Variants in KCNJ6 observed in about 807,000 individuals in gnomAD.
KCNJ6 encodes G protein-activated inward rectifier potassium channel 2.
In KCNJ6, 9 loss-of-function variants were observed where a neutral mutation model predicts 34.2. The ratio of observed to expected loss-of-function variants is 0.26; its 90% CI spans 0.16 to 0.46. The LOEUF (loss-of-function observed/expected upper bound fraction) is 0.46, where lower values mean the gene tolerates loss of function less well. KCNJ6 is among the 20% of genes least tolerant of loss of function. The probability of loss-of-function intolerance (pLI) is 1.00; values close to 1 mark genes in which losing one functional copy is unlikely to be tolerated. For synonymous variants in KCNJ6, 196 were observed against 207.1 expected (o/e 0.95, Z 0.46); for missense variants, 236 against 531.3 (o/e 0.44, Z 5.46).
rs139497882 is a variant in KCNJ6, at chr21:37,764,011, A to G, written c.26-48880T>C. 2.5e-3 allele frequency among the ~76,000 whole-genome samples: 375 copies of G among 151,984 alleles called. 2 individuals carry two copies. The East Asian group carries it at 0.036, about 15-fold the overall frequency. On this transcript the variant is annotated intron_variant, in intron 2 of 3. Transcript: ENST00000609713. The stretch of plus-strand genomic sequence containing the variant: ...TCATCTCACATATCTACATACTCAA[A>G]GGCCATGTTTGTCTAGGAGTAGAAC...
intron 1 of KCNJ6, among the ~76,000 whole-genome samples, chr21:37,870,347 C>T (rs983251095): frequency 5.3e-5 from 8 of 151,956 alleles, no homozygotes; most frequent in Admixed American, 2.0e-4. Context: ...AAACAGAGAT[C>T]GCAGGAGTGG....
chr21:37,904,721 G>A (rs1156544157), intron 1 of KCNJ6, among the ~76,000 whole-genome samples: 2 of 152,162 alleles, frequency 1.3e-5, no homozygotes, highest in African/African-American at 4.8e-5. Context: ...GAGAAGGTTT[G>A]TAGTTTGACA....
In KCNJ6 at chr21:37,863,036, T is replaced by C. The variant is rs143125915; in HGVS notation, c.-27-22327A>G. Reference sequence around the variant, plus strand: ...AGAGCATAGACAATCATGGAGAGCATAGACACTCGACATTCACAGCAGAGA... The same window carrying C: ...AGAGCATAGACAATCATGGAGAGCACAGACACTCGACATTCACAGCAGAGA... On this transcript the variant is annotated intron_variant, in intron 1 of 3. Transcript: ENST00000609713. Among the ~76,000 whole-genome samples, 1,017 of 152,326 alleles carry C rather than the reference T, an allele frequency of 6.7e-3. 9 individuals carry two copies. Among genetic ancestry groups the C allele is most frequent in the African/African-American group, 0.023 (967 of 41,566 alleles).
At chr21:37,857,505 T>G (rs2123597924) in intron 1 of KCNJ6, among the ~76,000 whole-genome samples, 1 of 152,330 alleles carries the variant, frequency 6.6e-6, no homozygotes, top group East Asian at 1.9e-4. Flanking sequence ...GGGAATCTTT[T>G]TGTGTGGCTG....
rs1437335112 is a variant in KCNJ6 at position 37,622,433 on chromosome 21, G to A, written c.*2726C>T. On this transcript the variant is annotated 3_prime_UTR_variant, in exon 4 of 4. Coordinates refer to ENST00000609713, the MANE Select transcript of KCNJ6 (RefSeq NM_002240.5). ...GAAAATCAGTCTCAATGAACTTTCA[G>A]TTCCAAATTTTAACAGTTGACACAA... is the stretch of plus-strand genomic sequence containing the variant. 2 of 152,170 alleles carry A rather than the reference G, an allele frequency of 1.3e-5. No individual in the cohort carries two copies. The highest frequency in any genetic ancestry group is 2.4e-5 in the African/African-American group (1 of 41,438). The allele number at this position is 152,170 out of a possible 1,614,324, so 9.4% of individuals were successfully genotyped here.
intron 3 of KCNJ6, among the ~76,000 whole-genome samples, chr21:37,690,948 A>C (rs934162109): frequency 2.6e-5 from 4 of 151,932 alleles, no homozygotes; most frequent in African/African-American, 9.7e-5. Context: ...TACCCGGCTA[A>C]GTTTGGTATT....
At chr21:37,848,234 T>C (rs1294138080) in intron 1 of KCNJ6, among the ~76,000 whole-genome samples, 2 of 152,126 alleles carry the variant, frequency 1.3e-5, no homozygotes, top group East Asian at 1.9e-4. Flanking sequence ...ACCCAATGAG[T>C]GTGCTCTCCT....
intron 1 of KCNJ6, among the ~76,000 whole-genome samples, chr21:37,884,817 G>T (rs1250239380): frequency 6.6e-6 from 1 of 152,146 alleles, no homozygotes; most frequent in Admixed American, 6.5e-5. Context: ...ACCAAGCTAG[G>T]CTACTTATGG....
At chr21:37,626,820 A>G (rs1002216) in intron 3 of KCNJ6, among the ~76,000 whole-genome samples, 3,001 of 152,332 alleles carry the variant, frequency 0.02, 66 homozygotes, top group East Asian at 0.069. Flanking sequence ...GAAAAAGATA[A>G]ACTTTTAGAT....
chr21:37,784,465 T>C (rs534788947), intron 2 of KCNJ6, among the ~76,000 whole-genome samples: 15 of 152,358 alleles, frequency 9.8e-5, no homozygotes, highest in Admixed American at 2.6e-4. Context: ...ACAAAGTTCA[T>C]GTCCACCTAG....
At chr21:37,795,600 C>T (rs2055237338) in intron 2 of KCNJ6, among the ~76,000 whole-genome samples, 1 of 151,932 alleles carries the variant, frequency 6.6e-6, no homozygotes, top group South Asian at 2.1e-4. Context: ...CAAAAATTAG[C>T]CGGGCATGGT....
intron 3 of KCNJ6, among the ~76,000 whole-genome samples, chr21:37,705,357 A>G (rs2054714108): frequency 6.6e-6 from 1 of 152,184 alleles, no homozygotes; most frequent in South Asian, 2.1e-4. Flanking sequence ...CCCCCTTGCA[A>G]GAGCCAACTT....
At chr21:37,866,479 C>A (rs1334003722) in intron 1 of KCNJ6, among the ~76,000 whole-genome samples, 1 of 152,122 alleles carries the variant, frequency 6.6e-6, no homozygotes, top group African/African-American at 2.4e-5. Context: ...CTTCACTGAA[C>A]CAGGAGCCCG....
intron 3 of KCNJ6, among the ~76,000 whole-genome samples, chr21:37,685,433 G>A (rs1220507843): frequency 1.3e-5 from 2 of 148,534 alleles, no homozygotes; most frequent in Admixed American, 6.9e-5. Context: ...TGTAATCCCA[G>A]CACTTTGGGA....
intron 1 of KCNJ6, among the ~76,000 whole-genome samples, chr21:37,858,998 AG>A (rs2055579194): frequency 6.6e-6 from 1 of 152,230 alleles, no homozygotes; most frequent in East Asian, 1.9e-4. Flanking sequence ...ATGTAAGTAC[AG>A]TATATATTAT....
chr21:37,669,579 G>C (rs201315333), intron 3 of KCNJ6, among the ~76,000 whole-genome samples: 1 of 96,674 alleles, frequency 1.0e-5, no homozygotes, highest in African/African-American at 3.3e-5. Flanking sequence ...TGTGTGTGTT[G>C]TGTGTGTGTG....
intron 3 of KCNJ6, among the ~76,000 whole-genome samples, chr21:37,707,111 A>G (rs201595761): frequency 6.6e-6 from 1 of 152,254 alleles, no homozygotes; most frequent in East Asian, 1.9e-4. Context: ...TCATGGCAGT[A>G]CCCGGGCAGA....
At chr21:37,901,361 A>G (rs905151242) in intron 1 of KCNJ6, among the ~76,000 whole-genome samples, 3 of 150,036 alleles carry the variant, frequency 2.0e-5, no homozygotes, top group Non-Finnish European at 4.4e-5. Context: ...CTTTCTCTGC[A>G]TTTCTATCGG....
chr21:37,614,588 A>ATG lies in KCNJ6; in HGVS notation c.*10569_*10570dup, dbSNP rs1430875144. ...TGTGTATGCATGTGTCTCTGTATGC[A>ATG]TGTGTGTGTATGCATGTCTGTATGC... On this transcript the variant is annotated 3_prime_UTR_variant, in exon 4 of 4. Transcript: ENST00000609713. 1.4e-4 allele frequency: 9 copies of ATG among 62,608 alleles called. No individual in the cohort carries two copies. Among genetic ancestry groups the ATG allele is most frequent in the Non-Finnish European group, 2.7e-4 (9 of 33,228 alleles). 3.9% of individuals were successfully genotyped at this position (62,608 alleles called of 1,614,324 possible).
Sources: allele counts gnomAD v4.1 joint callset (sites outside exome capture counted in the v4.1 genomes callset), GRCh38; gene constraint gnomAD v4.1.1; transcripts MANE v1.5; gene names NCBI Gene and HGNC (gene_info 2026-07-23, HGNC 2026-07-21).